Variants in USP44 observed in about 807,000 individuals in gnomAD.
USP44 encodes the protein ubiquitin specific peptidase 44, also known as ubiquitin carboxyl-terminal hydrolase 44.
In USP44, 61 loss-of-function variants were observed where a neutral mutation model predicts 69.0. That is an observed-to-expected ratio of 0.88 (90% confidence interval 0.72 to 1.09). The LOEUF (loss-of-function observed/expected upper bound fraction) is 1.09, where lower values mean the gene tolerates loss of function less well. Ranked by LOEUF, USP44 falls within the 50% of genes least tolerant of loss-of-function variation. USP44 has a pLI of 0.00. For missense variants in USP44, 753 were observed against 849.9 expected (o/e 0.89, Z 1.42); for synonymous variants, 297 against 295.4 (o/e 1.01, Z -0.06).
chr12:95,545,741 T>G (rs977762782), intron 1 of USP44, among the ~76,000 whole-genome samples: 1 of 152,210 alleles, frequency 6.6e-6, no homozygotes, highest in African/African-American at 2.4e-5. Flanking sequence ...ACTGAGCGAA[T>G]GAACACAATG....
intron 4 of USP44, among the ~76,000 whole-genome samples, chr12:95,524,236 A>G (rs923880928): frequency 6.6e-6 from 1 of 151,774 alleles, no homozygotes; most frequent in African/African-American, 2.4e-5. Flanking sequence ...ATGCGCCACC[A>G]TGCCCGGCTA....
intron 1 of USP44, among the ~76,000 whole-genome samples, chr12:95,549,290 C>A (rs1391948596): frequency 1.3e-5 from 2 of 152,292 alleles, no homozygotes; most frequent in African/African-American, 4.8e-5. Flanking sequence ...GGTGTAACTT[C>A]AGTGGCGATG....
chr12:95,535,706 A>T (rs1453587075), intron 1 of USP44, among the ~76,000 whole-genome samples: 2 of 152,210 alleles, frequency 1.3e-5, no homozygotes, highest in African/African-American at 4.8e-5. Context: ...ATCTTATTTA[A>T]AAAGCCGTGA....
intron 2 of USP44, among the ~76,000 whole-genome samples, chr12:95,529,455 G>C (rs1430659856): frequency 1.3e-5 from 2 of 149,994 alleles, no homozygotes; most frequent in Non-Finnish European, 3.0e-5. Context: ...ATGGAGTCTC[G>C]CTCTGTCCCC....
intron 1 of USP44, among the ~76,000 whole-genome samples, chr12:95,537,773 G>A (rs970761479): frequency 9.2e-5 from 14 of 152,106 alleles, no homozygotes; most frequent in African/African-American, 3.4e-4. Flanking sequence ...TTTATTCTGA[G>A]GTTACCTCTG....
Position 95,532,953 on chromosome 12 carries a change from A to T in USP44, c.1304T>A (p.Ile435Lys), listed in dbSNP as rs752276453. ...ACCAGTTGTCTCTAATTCACGTTGT[A>T]TTTTATCTAAAAGTTCACAAAGAAA... Reference protein sequence around the residue: ...QEFLCELLDKIQRELETTGTS... With the variant: ...QEFLCELLDKKQRELETTGTS... The change falls in exon 2 of 6, where the codon ATA (isoleucine) becomes AAA (lysine). Residue 435 changes from isoleucine (I) to lysine (K), a missense_variant. By Grantham distance (102) the Ile-to-Lys change is moderately radical. Coordinates refer to ENST00000258499, the MANE Select transcript of USP44 (RefSeq NM_032147.5). The T allele has an allele frequency of 1.2e-6, 2 of 1,614,174 alleles. No individual in the cohort carries two copies. The highest frequency in any genetic ancestry group is 1.7e-6 in the Non-Finnish European group (2 of 1,180,026).
At chr12:95,549,847 G>A (rs969243933) in intron 1 of USP44, among the ~76,000 whole-genome samples, 1 of 152,040 alleles carries the variant, frequency 6.6e-6, no homozygotes, top group African/African-American at 2.4e-5. Flanking sequence ...AAGAAGGAGC[G>A]GCACAGGATT....
At position 95,521,010 on chromosome 12, in the gene USP44, A is replaced by G. The variant is rs1592665179; in HGVS notation, c.1926T>C (p.Tyr642=). ...FGSGHYTAYC[Y]NSEGGFWVHC... is the part of the protein sequence containing the mutation. Reference sequence around the variant, plus strand: ...TCTTATCTATACCTCCTTCAGAATTATAGCAGTAGGCAGTGTAGTGCCCTG... The same window carrying G: ...TCTTATCTATACCTCCTTCAGAATTGTAGCAGTAGGCAGTGTAGTGCCCTG... Residue 642 remains tyrosine (Y), a synonymous_variant, in exon 5 of 6, where the codon TAT becomes TAC. Coordinates refer to ENST00000258499, the MANE Select transcript of USP44 (RefSeq NM_032147.5). 1.9e-6 allele frequency: 3 copies of G among 1,614,100 alleles called. No individual in the cohort carries two copies. The highest frequency in any genetic ancestry group is 1.7e-5 in the Admixed American group (1 of 60,004).
At chr12:95,522,422 T>C (rs1227965583) in intron 4 of USP44, among the ~76,000 whole-genome samples, 1 of 152,148 alleles carries the variant, frequency 6.6e-6, no homozygotes, top group Non-Finnish European at 1.5e-5. Flanking sequence ...GAAATATATA[T>C]TTGGTTTTCC....
intron 3 of USP44, 54 bp downstream of exon 3, chr12:95,528,753 C>T (rs2076929344): frequency 9.2e-6 from 14 of 1,518,414 alleles, no homozygotes; most frequent in Admixed American, 4.1e-5. Context: ...CTCTCATCTG[C>T]GTTTCTCTTT....
intron 1 of USP44, among the ~76,000 whole-genome samples, chr12:95,543,962 A>T (rs575620859): frequency 1.4e-5 from 1 of 73,086 alleles, no homozygotes; most frequent in Non-Finnish European, 2.6e-5. Context: ...GGGAGACTGC[A>T]TCTCAAAAAA....
intron 1 of USP44, among the ~76,000 whole-genome samples, chr12:95,541,083 G>T (rs1337606906): frequency 1.3e-5 from 2 of 152,068 alleles, no homozygotes; most frequent in Non-Finnish European, 1.5e-5. Context: ...TTCAAGACCA[G>T]CCTGGTCAAC....
chr12:95,520,007 CAAAAAAAAAAAAA>C (rs56348745), intron 5 of USP44, among the ~76,000 whole-genome samples: 605 of 34,566 alleles, frequency 0.018, 19 homozygotes, highest in African/African-American at 0.06. Context: ...GACTCTGTCT[CAAAAAAAAAAAAA>C]AAAAAAAAAA....
At chr12:95,544,082 T>A (rs1427025693) in intron 1 of USP44, among the ~76,000 whole-genome samples, 7 of 117,492 alleles carry the variant, frequency 6.0e-5, no homozygotes, top group Non-Finnish European at 1.2e-4. Flanking sequence ...TGAGATGGAG[T>A]CTCGCTCTGT....
At chr12:95,532,642 A>G (rs1441482919) in intron 2 of USP44, among the ~76,000 whole-genome samples, 187 bp downstream of exon 2, 2 of 152,122 alleles carry the variant, frequency 1.3e-5, no homozygotes, top group Non-Finnish European at 1.5e-5. Context: ...ATGTAAAACT[A>G]CTTCCAATGA....
intron 2 of USP44, 33 bp from the exon 3 acceptor site, chr12:95,529,035 A>G: frequency 6.5e-7 from 1 of 1,540,100 alleles, no homozygotes; most frequent in Non-Finnish European, 8.8e-7. Context: ...CTAAGATTAT[A>G]ATCTTTCCAT....
chr12:95,550,291 A>G (rs1420910644), intron 1 of USP44, among the ~76,000 whole-genome samples: 1 of 152,202 alleles, frequency 6.6e-6, no homozygotes, highest in Non-Finnish European at 1.5e-5. Context: ...TGAAAAAAAT[A>G]CCAAATATGT....
rs753883474 is a variant in USP44, at chr12:95,521,067, C to T, written c.1869G>A (p.Ala623=). The stretch of plus-strand genomic sequence containing the variant: ...ATCCTTTCCCATGGTGCATCACCAC[C>T]GCGGACAAGTCATAGATAAAGCATT... ...RPECFIYDLS[A]VVMHHGKGFG... Residue 623 remains alanine, a synonymous_variant, in exon 5 of 6, where the codon GCG becomes GCA. Coordinates refer to ENST00000258499, the MANE Select transcript of USP44 (RefSeq NM_032147.5). The T allele has an allele frequency of 1.3e-5, 21 of 1,614,082 alleles. No homozygotes were observed. Among genetic ancestry groups the T allele is most frequent in the Middle Eastern group, 1.6e-4 (1 of 6,084 alleles).
intron 1 of USP44, among the ~76,000 whole-genome samples, chr12:95,547,747 C>T (rs778815908): frequency 3.3e-5 from 5 of 152,190 alleles, no homozygotes; most frequent in Non-Finnish European, 5.9e-5. Flanking sequence ...GCAAATTTCA[C>T]AATCCCCGTT....
Sources: allele counts gnomAD v4.1 joint callset (sites outside exome capture counted in the v4.1 genomes callset), GRCh38; gene constraint gnomAD v4.1.1; transcripts MANE v1.5; gene names NCBI Gene and HGNC (gene_info 2026-07-23, HGNC 2026-07-21).